CSMD1: variants seen among roughly 807,000 people sequenced by gnomAD.
CSMD1 encodes CUB and sushi domain-containing protein 1.
Under a neutral mutation model 417.5 loss-of-function variants are expected in CSMD1, and 213 were observed. The ratio of observed to expected loss-of-function variants is 0.51; its 90% CI spans 0.46 to 0.57. The LOEUF is 0.57. CSMD1 is among the 20% of genes least tolerant of loss of function. The probability of loss-of-function intolerance (pLI) is 0.00; values close to 1 mark genes in which losing one functional copy is unlikely to be tolerated. For missense variants in CSMD1, 6,923 were observed against 4,529.7 expected (o/e 1.53, Z -15.17); for synonymous variants, 2,862 against 1,736.8 (o/e 1.65, Z -16.11).
intron 3 of CSMD1, among the ~76,000 whole-genome samples, chr8:4,384,573 G>A (rs1390437785): frequency 1.3e-5 from 2 of 152,172 alleles, no homozygotes; most frequent in Non-Finnish European, 2.9e-5. Context: ...TGTAAGCAAT[G>A]CTACTTAGAA....
intron 1 of CSMD1, among the ~76,000 whole-genome samples, chr8:4,724,914 G>C (rs1017228243): frequency 6.6e-6 from 1 of 151,904 alleles, no homozygotes; most frequent in Non-Finnish European, 1.5e-5. Context: ...AATCATACAG[G>C]TTTTTTTCTT....
At chr8:4,136,289 C>T (rs532814930) in intron 3 of CSMD1, among the ~76,000 whole-genome samples, 1 of 152,286 alleles carries the variant, frequency 6.6e-6, no homozygotes, top group South Asian at 2.1e-4. Flanking sequence ...ACACAGGGAC[C>T]ATCTTTTTTT....
chr8:3,123,904 G>A (rs1157471145), intron 41 of CSMD1, among the ~76,000 whole-genome samples: 1 of 152,120 alleles, frequency 6.6e-6, no homozygotes, highest in African/African-American at 2.4e-5. Context: ...GTAGTCTTTC[G>A]GGTGACTTAA....
intron 5 of CSMD1, among the ~76,000 whole-genome samples, chr8:3,781,292 A>AATATTGT (rs1799167709): frequency 6.6e-6 from 1 of 152,176 alleles, no homozygotes; most frequent in South Asian, 2.1e-4. Flanking sequence ...ATATGGTATG[A>AATATTGT]ATATACAATA....
At chr8:4,713,512 C>G (rs1808447561) in intron 1 of CSMD1, among the ~76,000 whole-genome samples, 1 of 152,220 alleles carries the variant, frequency 6.6e-6, no homozygotes, top group Non-Finnish European at 1.5e-5. Flanking sequence ...AGTGATTTTC[C>G]TGCCTCAGCC....
In CSMD1 at chr8:4,750,108, C is replaced by A. The variant is rs374771126; in HGVS notation, c.86-112550G>T. Among the ~76,000 whole-genome samples the A allele has an allele frequency of 1.8e-4, 28 of 152,298 alleles. No individual in the cohort carries two copies. The South Asian group carries it at 5.8e-3, about 32-fold the overall frequency. On this transcript the variant is annotated intron_variant, in intron 1 of 69. Transcript: ENST00000635120. ...GCAAGCTCCGCCTCCCGGGTTCACC[C>A]CATTCTCCTGCCTCAGCCTCCCGAG...
chr8:3,315,371 T>C (rs1027127492), intron 23 of CSMD1, among the ~76,000 whole-genome samples: 2 of 151,582 alleles, frequency 1.3e-5, no homozygotes, highest in African/African-American at 4.9e-5. Flanking sequence ...TTTCCTGAAA[T>C]GTGTGATTGT....
chr8:4,277,214 T>TAC (rs911752699), intron 3 of CSMD1, among the ~76,000 whole-genome samples: 45 of 143,878 alleles, frequency 3.1e-4, no homozygotes, highest in East Asian at 5.1e-4. Flanking sequence ...TATATATATA[T>TAC]ATACACACAG....
chr8:4,646,143 A>G (rs1034408159), intron 1 of CSMD1, among the ~76,000 whole-genome samples: 1 of 152,258 alleles, frequency 6.6e-6, no homozygotes, highest in South Asian at 2.1e-4. Flanking sequence ...TCTGAAGTCA[A>G]TGCTACTTTT....
At chr8:3,262,729 T>C (rs1435545228) in intron 26 of CSMD1, among the ~76,000 whole-genome samples, 1 of 152,170 alleles carries the variant, frequency 6.6e-6, no homozygotes, top group East Asian at 1.9e-4. Context: ...TAATGTCTCA[T>C]AGTGGAAAAT....
At chr8:3,846,630 C>A (rs1158989935) in intron 5 of CSMD1, among the ~76,000 whole-genome samples, 2 of 152,116 alleles carry the variant, frequency 1.3e-5, no homozygotes, top group Non-Finnish European at 2.9e-5. Context: ...CATTAACTCA[C>A]CTTATTTCTT....
rs147704177 is a variant in CSMD1, at chr8:3,468,556, G to A, written c.1561+156C>T. ...GTTAAACATTCTCATTCACGAAAGC[G>A]AGTGTTAGTAGACTTTAAGGAAGTT... On this transcript the variant is annotated intron_variant, in intron 12 of 69. Coordinates refer to ENST00000635120, the MANE Select transcript of CSMD1 (RefSeq NM_033225.6). Among the ~76,000 whole-genome samples, 323 of 152,252 alleles carry A rather than the reference G, an allele frequency of 2.1e-3. 1 individual carries two copies. Among genetic ancestry groups the A allele is most frequent in the African/African-American group, 7.3e-3 (305 of 41,538 alleles).
chr8:3,704,212 C>T (rs1485950111), intron 7 of CSMD1, among the ~76,000 whole-genome samples: 1 of 152,146 alleles, frequency 6.6e-6, no homozygotes, highest in African/African-American at 2.4e-5. Flanking sequence ...AAAATCACAG[C>T]TACAGGCAAA....
At chr8:3,863,074 G>C (rs972976173) in intron 5 of CSMD1, among the ~76,000 whole-genome samples, 9 of 152,142 alleles carry the variant, frequency 5.9e-5, no homozygotes, top group Non-Finnish European at 1.3e-4. Flanking sequence ...AAAGTGGAAG[G>C]AGAGGCAAGA....
intron 3 of CSMD1, among the ~76,000 whole-genome samples, chr8:4,301,908 A>G (rs1797999948): frequency 6.6e-6 from 1 of 152,178 alleles, no homozygotes; most frequent in African/African-American, 2.4e-5. Flanking sequence ...GTTTATTAGA[A>G]TTTATGTTGC....
chr8:4,168,431 T>C (rs1797580734), intron 3 of CSMD1, among the ~76,000 whole-genome samples: 1 of 151,964 alleles, frequency 6.6e-6, no homozygotes, highest in African/African-American at 2.4e-5. Context: ...ATTTTTTATA[T>C]TTTAGTAATA....
chr8:3,344,178 T>C (rs1807839674), intron 22 of CSMD1, among the ~76,000 whole-genome samples: 1 of 152,106 alleles, frequency 6.6e-6, no homozygotes, highest in Admixed American at 6.5e-5. Context: ...TCCCAACTAG[T>C]GGGGAGACAG....
chr8:3,100,934 C>A (rs1294571439), intron 46 of CSMD1, among the ~76,000 whole-genome samples: 2 of 152,088 alleles, frequency 1.3e-5, no homozygotes, highest in African/African-American at 2.4e-5. Context: ...TTATCCAGCA[C>A]ATATAGAAGG....
intron 2 of CSMD1, among the ~76,000 whole-genome samples, chr8:4,473,250 G>C (rs1487623357): frequency 6.6e-6 from 1 of 152,048 alleles, no homozygotes; most frequent in Non-Finnish European, 1.5e-5. Flanking sequence ...TTGTAAAATT[G>C]TAAACTCTCA....
Sources: allele counts gnomAD v4.1 joint callset (sites outside exome capture counted in the v4.1 genomes callset), GRCh38; gene constraint gnomAD v4.1.1; transcripts MANE v1.5; gene names NCBI Gene and HGNC (gene_info 2026-07-23, HGNC 2026-07-21).